The following CSMD1 variants were observed in gnomAD, a reference collection of about 807,000 sequenced individuals.
The protein encoded by CSMD1 is CUB and Sushi multiple domains 1, also known as CUB and sushi domain-containing protein 1.
In CSMD1, 213 loss-of-function variants were observed where a neutral mutation model predicts 417.5. The observed-to-expected ratio is 0.51, with a 90% CI of 0.46 to 0.57. The LOEUF (loss-of-function observed/expected upper bound fraction) is 0.57, where lower values mean the gene tolerates loss of function less well. CSMD1 is among the 20% of genes least tolerant of loss of function. The pLI is 0.00. For synonymous variants in CSMD1, 2,862 were observed against 1,736.8 expected, an observed-to-expected ratio of 1.65 and a Z score of -16.11; for missense variants, 6,923 against 4,529.7, an observed-to-expected ratio of 1.53 and a Z score of -15.17.
intron 5 of CSMD1, among the ~76,000 whole-genome samples, chr8:3,808,531 T>G (rs777728690): frequency 1.3e-5 from 2 of 152,148 alleles, no homozygotes; most frequent in Non-Finnish European, 2.9e-5. Context: ...CGTGGTGAAT[T>G]TACATGCAAA....
intron 5 of CSMD1, among the ~76,000 whole-genome samples, chr8:3,935,516 C>T (rs1051649268): frequency 6.6e-6 from 1 of 152,082 alleles, no homozygotes; most frequent in African/African-American, 2.4e-5. Flanking sequence ...GTGTCTGTGC[C>T]ACATTTTGGT....
chr8:3,028,158 T>C (rs1451205053), intron 51 of CSMD1, among the ~76,000 whole-genome samples: 1 of 152,212 alleles, frequency 6.6e-6, no homozygotes, highest in East Asian at 1.9e-4. Flanking sequence ...GTGTCTGTTT[T>C]TAAGATCCTA....
intron 10 of CSMD1, among the ~76,000 whole-genome samples, chr8:3,516,667 G>T (rs952757789): frequency 1.3e-5 from 2 of 152,002 alleles, no homozygotes; most frequent in Admixed American, 6.6e-5. Context: ...ATAATGTATT[G>T]GGGTACAGGT....
chr8:4,024,981 G>C (rs1796987675), intron 4 of CSMD1, among the ~76,000 whole-genome samples: 1 of 152,236 alleles, frequency 6.6e-6, no homozygotes. Context: ...CCTGGGCTAG[G>C]CCTGGGTGGG....
At chr8:4,535,992 A>C (rs564878107) in intron 2 of CSMD1, among the ~76,000 whole-genome samples, 1 of 135,396 alleles carries the variant, frequency 7.4e-6, no homozygotes, top group African/African-American at 3.0e-5. Flanking sequence ...AAAATAAATA[A>C]AAGTTTCAGA....
At chr8:4,709,010 C>A (rs544832333) in intron 1 of CSMD1, among the ~76,000 whole-genome samples, 16 of 152,238 alleles carry the variant, frequency 1.1e-4, no homozygotes, top group Non-Finnish European at 1.5e-4. Flanking sequence ...TGAACCTTGA[C>A]AAAATAAATG....
chr8:4,708,002 G>C (rs1461837832), intron 1 of CSMD1, among the ~76,000 whole-genome samples: 1 of 151,470 alleles, frequency 6.6e-6, no homozygotes, highest in Non-Finnish European at 1.5e-5. Flanking sequence ...CTAGTGCAGT[G>C]ACATGAACAT....
intron 5 of CSMD1, among the ~76,000 whole-genome samples, chr8:3,834,846 AC>A (rs1026873361): frequency 7.2e-5 from 11 of 152,138 alleles, no homozygotes; most frequent in African/African-American, 2.7e-4. Flanking sequence ...TCCAGAATCT[AC>A]AATGAACTCC....
intron 5 of CSMD1, among the ~76,000 whole-genome samples, chr8:3,813,457 T>C (rs1461773330): frequency 6.6e-6 from 1 of 152,150 alleles, no homozygotes; most frequent in Non-Finnish European, 1.5e-5. Flanking sequence ...AAGCATGGTA[T>C]TTAGTAATGT....
intron 1 of CSMD1, among the ~76,000 whole-genome samples, chr8:4,743,208 AGAG>A (rs1434283864): frequency 2.0e-5 from 3 of 152,202 alleles, no homozygotes; most frequent in African/African-American, 7.2e-5. Context: ...AACTTTTGAT[AGAG>A]GAGGTCACAT....
At chr8:3,446,686 T>C (rs552668783) in intron 12 of CSMD1, among the ~76,000 whole-genome samples, 1 of 152,246 alleles carries the variant, frequency 6.6e-6, no homozygotes, top group Non-Finnish European at 1.5e-5. Flanking sequence ...AAAAGGTAAA[T>C]AGGAACACAT....
chr8:3,778,860 A>C (rs1799029769), intron 5 of CSMD1, among the ~76,000 whole-genome samples: 2 of 152,174 alleles, frequency 1.3e-5, no homozygotes, highest in African/African-American at 2.4e-5. Flanking sequence ...CAGTTGAGAA[A>C]ACATGCTGCT....
chr8:3,304,735 T>A (rs1563249956), intron 25 of CSMD1, among the ~76,000 whole-genome samples: 1 of 151,452 alleles, frequency 6.6e-6, no homozygotes, highest in Non-Finnish European at 1.5e-5. Context: ...TTTCTCTTTT[T>A]AATTTTTTTT....
At chr8:4,875,041 T>G (rs1056307217) in intron 1 of CSMD1, among the ~76,000 whole-genome samples, 1 of 151,910 alleles carries the variant, frequency 6.6e-6, no homozygotes, top group South Asian at 2.1e-4. Context: ...TCTCCCTCTC[T>G]GTCTTTCTTT....
chr8:3,310,125 T>A (rs1805209891), intron 23 of CSMD1, among the ~76,000 whole-genome samples: 1 of 152,234 alleles, frequency 6.6e-6, no homozygotes, highest in African/African-American at 2.4e-5. Flanking sequence ...ATTAGGGGGA[T>A]GGTTTCAATC....
chr8:4,587,716 G>C (rs900421420), intron 2 of CSMD1, among the ~76,000 whole-genome samples: 1 of 152,124 alleles, frequency 6.6e-6, no homozygotes, highest in Non-Finnish European at 1.5e-5. Flanking sequence ...CTCCACTTAT[G>C]ACACTCTTCA....
intron 20 of CSMD1, among the ~76,000 whole-genome samples, chr8:3,363,816 G>C (rs145665585): frequency 7.9e-4 from 121 of 152,326 alleles, no homozygotes; most frequent in Non-Finnish European, 1.6e-3. Flanking sequence ...ACACGTCGTA[G>C]CGAGTGGGAA....
intron 1 of CSMD1, among the ~76,000 whole-genome samples, chr8:4,930,104 C>G (rs1807145884): frequency 6.6e-6 from 1 of 152,184 alleles, no homozygotes; most frequent in Non-Finnish European, 1.5e-5. Context: ...AGCTCTGTCA[C>G]TGTTTTTGTG....
intron 3 of CSMD1, among the ~76,000 whole-genome samples, chr8:4,068,057 G>T (rs527391144): frequency 6.6e-6 from 1 of 152,016 alleles, no homozygotes; most frequent in African/African-American, 2.4e-5. Context: ...CTCCAGCCTG[G>T]CGACAGAGGG....
Sources: allele counts gnomAD v4.1 joint callset (sites outside exome capture counted in the v4.1 genomes callset), GRCh38; gene constraint gnomAD v4.1.1; transcripts MANE v1.5; gene names NCBI Gene and HGNC (gene_info 2026-07-23, HGNC 2026-07-21).